Variants in POLD3 observed in about 807,000 individuals in gnomAD.
The protein encoded by POLD3 is DNA polymerase delta 3, accessory subunit.
In POLD3, 19 loss-of-function variants were observed where a neutral mutation model predicts 58.2. That is an observed-to-expected ratio of 0.33 (90% CI 0.23 to 0.48). POLD3 has a LOEUF of 0.48. Among genes scored for constraint, POLD3 ranks in the 20% least tolerant of loss-of-function variants. The probability of loss-of-function intolerance (pLI) is 0.99; values close to 1 mark genes in which losing one functional copy is unlikely to be tolerated. For synonymous variants in POLD3, 172 were observed against 193.5 expected, an observed-to-expected ratio of 0.89 and a Z score of 0.92; for missense variants, 504 against 545.5, an observed-to-expected ratio of 0.92 and a Z score of 0.76.
chr11:74,602,390 TGCTTTTCCC>T (rs1165474264), intron 2 of POLD3, among the ~76,000 whole-genome samples: 1 of 152,218 alleles, frequency 6.6e-6, no homozygotes, highest in Non-Finnish European at 1.5e-5. Context: ...CTGCTTTTCC[TGCTTTTCCC>T]CCATCTCAGT....
rs568750121 is a variant in POLD3, at chr11:74,625,527, A to G, written c.853A>G (p.Ser285Gly). 44 of 1,613,894 alleles carry G rather than the reference A, an allele frequency of 2.7e-5. No individual in the cohort carries two copies. The East Asian group carries it at 8.5e-4, about 31-fold the overall frequency. The part of the protein sequence containing the change: ...LATPAGLKKS[S>G]KKAEPVKVLQ... Reference sequence around the variant, plus strand: ...AACTCCTGCAGGCCTGAAAAAATCCAGCAAAAAAGCAGAGCCTGTTAAGGT... The same window carrying G: ...AACTCCTGCAGGCCTGAAAAAATCCGGCAAAAAAGCAGAGCCTGTTAAGGT... Residue 285 changes from serine (S) to glycine (G), a missense_variant, in exon 8 of 12, where the codon AGC becomes GGC. Ser to Gly is a moderately conservative substitution (Grantham distance 56). Coordinates refer to ENST00000263681, the MANE Select transcript of POLD3 (RefSeq NM_006591.3).
rs568646523 is a variant in POLD3 at position 74,624,216 on chromosome 11, C to T, written c.734-1192C>T. 2.2e-4 allele frequency among the ~76,000 whole-genome samples: 34 copies of T among 152,174 alleles called. 1 individual carries two copies. Among genetic ancestry groups the T allele is most frequent in the South Asian group, 1.5e-3 (7 of 4,806 alleles). On this transcript the variant is annotated intron_variant, in intron 7 of 11. Coordinates refer to ENST00000263681, the MANE Select transcript of POLD3 (RefSeq NM_006591.3). ...TTGGATTGGCTGTTGACCCCTAGAC[C>T]CCTGGAGATGCATGTTTACTCTTCT...
At chr11:74,655,278 T>C (rs1467884271) in intron 4 of POLD3, among the ~76,000 whole-genome samples, 3 of 152,200 alleles carry the variant, frequency 2.0e-5, no homozygotes, top group Non-Finnish European at 2.9e-5. Context: ...GACAAGAATT[T>C]AAGAACGGAA....
Position 74,618,746 on chromosome 11 carries a change from CT to C in POLD3, c.603del (p.Ala202LeufsTer17). ...GIMGMFASKA[A>X]AKTQETNKET... ...ATGGGAATGTTTGCCTCCAAAGCTG[CT>C]GCTAAAACCCAAGAAACCAACAAGG... is the stretch of plus-strand genomic sequence containing the variant. On this transcript the variant is annotated frameshift_variant, in exon 6 of 12. Transcript: ENST00000263681. LOFTEE classifies it high-confidence loss of function. 6.2e-7 allele frequency: 1 copy of C among 1,614,096 alleles called. No individual in the cohort carries two copies. Among genetic ancestry groups the C allele is most frequent in the Non-Finnish European group, 8.5e-7 (1 of 1,179,962 alleles).
chr11:74,595,165 C>CTTTTTTTT (rs201138024), intron 2 of POLD3: 44 of 105,042 alleles, frequency 4.2e-4, no homozygotes, highest in Non-Finnish European at 6.0e-4. Context: ...TGGATGAACT[C>CTTTTTTTT]TTTTTTTTTT....
intron 2 of POLD3, among the ~76,000 whole-genome samples, chr11:74,597,522 G>A (rs375229831): frequency 1.3e-5 from 2 of 152,138 alleles, no homozygotes; most frequent in East Asian, 3.8e-4. Context: ...ATGCAGTGGC[G>A]CAATTTTGGC....
downstream of POLD3, among the ~76,000 whole-genome samples, chr11:74,645,758 T>C (rs560754039): frequency 3.9e-5 from 6 of 152,316 alleles, no homozygotes; most frequent in East Asian, 9.6e-4. Flanking sequence ...AGATAGGTAC[T>C]TTTATTCCCA....
chr11:74,607,523 C>A (rs564389485), intron 3 of POLD3, among the ~76,000 whole-genome samples: 10 of 151,872 alleles, frequency 6.6e-5, no homozygotes, highest in African/African-American at 2.4e-4. Flanking sequence ...ACCGCGGCCT[C>A]CCAAAGTGCT....
At chr11:74,654,610 A>G (rs1167380162) in intron 4 of POLD3, among the ~76,000 whole-genome samples, 1 of 152,184 alleles carries the variant, frequency 6.6e-6, no homozygotes, top group Admixed American at 6.6e-5. Flanking sequence ...CCTCAAGTAA[A>G]AATAGTGGGA....
At chr11:74,654,040 T>A (rs1260005778) in intron 4 of POLD3, among the ~76,000 whole-genome samples, 3 of 151,926 alleles carry the variant, frequency 2.0e-5, no homozygotes, top group Non-Finnish European at 4.4e-5. Flanking sequence ...CTCAACCAGA[T>A]CTCATGAGGA....
intron 2 of POLD3, among the ~76,000 whole-genome samples, chr11:74,599,368 A>ATT (rs60458731): frequency 0.29 from 41,143 of 139,510 alleles, 6,554 homozygotes; most frequent in African/African-American, 0.39. Flanking sequence ...CTCTCAAGTA[A>ATT]TTTTTTTTTT....
intron 2 of POLD3, 181 bp from the exon 3 acceptor site, chr11:74,604,511 T>C (rs2031608890): frequency 5.3e-6 from 3 of 562,062 alleles, no homozygotes; most frequent in Admixed American, 3.2e-5. Flanking sequence ...CTACTCCCCA[T>C]GTCCTGTCTG....
intron 10 of POLD3, among the ~76,000 whole-genome samples, chr11:74,635,515 G>A (rs762906356): frequency 2.0e-5 from 3 of 152,104 alleles, no homozygotes; most frequent in Admixed American, 6.5e-5. Flanking sequence ...GGGAGACTTT[G>A]TCTCTACTTT....
At chr11:74,611,891 T>G (rs1372749256) in intron 4 of POLD3, among the ~76,000 whole-genome samples, 1 of 152,340 alleles carries the variant, frequency 6.6e-6, no homozygotes, top group South Asian at 2.1e-4. Context: ...TTTCTGGAAG[T>G]CAGAAAGACT....
intron 11 of POLD3, among the ~76,000 whole-genome samples, chr11:74,640,068 G>T (rs1396461668): frequency 6.6e-6 from 1 of 152,176 alleles, no homozygotes; most frequent in Admixed American, 6.5e-5. Flanking sequence ...AGGGTCCATG[G>T]TGACCTTGGT....
intron 5 of POLD3, among the ~76,000 whole-genome samples, chr11:74,616,872 T>G (rs79049179): frequency 0.027 from 4,168 of 152,160 alleles, 226 homozygotes; most frequent in African/African-American, 0.095. Context: ...CACCACATAG[T>G]TTAGAAATCT....
intron 2 of POLD3, among the ~76,000 whole-genome samples, chr11:74,602,133 G>A (rs2031522255): frequency 6.6e-6 from 1 of 151,818 alleles, no homozygotes; most frequent in South Asian, 2.1e-4. Flanking sequence ...TGTGGAACAT[G>A]GGGTCTCGCT....
rs2032914549 is a variant in POLD3, at chr11:74,641,566, G to A, written c.*800G>A. 1 of 985,402 alleles carries A rather than the reference G, an allele frequency of 1.0e-6. No homozygotes were observed. Among genetic ancestry groups the A allele is most frequent in the Non-Finnish European group, 1.2e-6 (1 of 829,926 alleles). The allele number at this position is 985,402 out of a possible 1,614,324, so 61.0% of individuals were successfully genotyped here. A position where few individuals can be genotyped will look rare whatever the true frequency, so the allele number is the denominator to read the frequency against. On this transcript the variant is annotated 3_prime_UTR_variant, in exon 12 of 12. Coordinates refer to ENST00000263681, the MANE Select transcript of POLD3 (RefSeq NM_006591.3). The stretch of plus-strand genomic sequence containing the variant: ...GCTGATACGGGGTGTGCTTTATGCT[G>A]CTCTTTGCGGTTTGTTGATCCCCTC...
chr11:74,618,952 T>C (rs2032166953), intron 6 of POLD3, 148 bp downstream of exon 6: 1 of 662,872 alleles, frequency 1.5e-6, no homozygotes, highest in Non-Finnish European at 2.5e-6. Context: ...CTTTAATACT[T>C]GATATTGTTA....
Sources: gnomAD v4.1 joint callset for allele counts (sites outside exome capture counted in the v4.1 genomes callset) on GRCh38, gnomAD v4.1.1 for gene constraint, MANE v1.5 for transcripts, NCBI Gene and HGNC (gene_info 2026-07-23, HGNC 2026-07-21) for gene names.